The following SCMH1 variants were observed in gnomAD, a reference collection of about 807,000 sequenced individuals.
SCMH1 encodes the protein Scm polycomb group protein homolog 1.
SCMH1 carries 37 observed loss-of-function variants against 70.8 expected under a neutral mutation model. The ratio of observed to expected loss-of-function variants is 0.52; its 90% confidence interval spans 0.40 to 0.69. The LOEUF (loss-of-function observed/expected upper bound fraction) is 0.69. SCMH1 is among the 30% of genes least tolerant of loss of function. SCMH1 has a pLI of 0.00. For synonymous variants in SCMH1, 292 were observed against 307.4 expected, an observed-to-expected ratio of 0.95 and a Z score of 0.52; for missense variants, 607 against 827.3, an observed-to-expected ratio of 0.73 and a Z score of 3.27.
chr1:41,031,443 G>A (rs1233963825), intron 13 of SCMH1, among the ~76,000 whole-genome samples: 2 of 152,134 alleles, frequency 1.3e-5, no homozygotes, highest in Admixed American at 6.6e-5. Flanking sequence ...GGCCTAAAAA[G>A]TCAAAGTACA....
intron 1 of SCMH1, among the ~76,000 whole-genome samples, chr1:41,208,488 C>T (rs994820364): frequency 1.7e-4 from 25 of 151,138 alleles, no homozygotes; most frequent in Admixed American, 4.6e-4. Context: ...GTAAAGCACT[C>T]CTCAGCAAAT....
In SCMH1 at chr1:41,154,732, T is replaced by C. The variant is rs117355970; in HGVS notation, c.107-3048A>G. On this transcript the variant is annotated intron_variant, in intron 4 of 14. Transcript: ENST00000337495. Reference sequence around the variant, plus strand: ...AGATTATTACGAAGATTAATATTATTAACTAACATAGGTATAATGTTTTAT... The same window carrying C: ...AGATTATTACGAAGATTAATATTATCAACTAACATAGGTATAATGTTTTAT... 7.6e-4 allele frequency among the ~76,000 whole-genome samples: 116 copies of C among 152,360 alleles called. 2 individuals carry two copies. In the East Asian group the frequency reaches 0.02, roughly 27 times the overall value.
At chr1:41,127,516 T>C (rs1328618479) in intron 6 of SCMH1, among the ~76,000 whole-genome samples, 1 of 152,228 alleles carries the variant, frequency 6.6e-6, no homozygotes, top group African/African-American at 2.4e-5. Flanking sequence ...CGCTGTGATA[T>C]ATGGATTCAA....
chr1:41,130,355 T>C (rs1358946042), intron 6 of SCMH1, among the ~76,000 whole-genome samples: 1 of 152,150 alleles, frequency 6.6e-6, no homozygotes, highest in African/African-American at 2.4e-5. Context: ...GTCAATAGTG[T>C]CCTTTGATGC....
At position 41,075,430 on chromosome 1, in the gene SCMH1, T is replaced by A. The variant is rs748157901; in HGVS notation, c.767A>T (p.Tyr256Phe). The change falls in exon 9 of 15, where the codon TAT (tyrosine) becomes TTT (phenylalanine). Residue 256 changes from tyrosine (Y) to phenylalanine (F), a missense_variant. Coordinates refer to ENST00000337495, the Ensembl canonical transcript of SCMH1. ...CTCAGTATTCACATCGGAGGCAGGA[T>A]AGGGATTCTTTGGAATCACAACTGC... The A allele has an allele frequency of 5.0e-6, 8 of 1,613,926 alleles. No individual in the cohort carries two copies. In the East Asian group the frequency reaches 1.6e-4, roughly 31 times the overall value.
chr1:41,033,130 A>G (rs1644786307), intron 13 of SCMH1, among the ~76,000 whole-genome samples: 1 of 152,104 alleles, frequency 6.6e-6, no homozygotes. Flanking sequence ...TGTCTCTGCA[A>G]AAAATTAGCT....
In SCMH1 at chr1:41,160,929, T is replaced by G; in HGVS notation, c.83-31A>C. The G allele has an allele frequency of 3.2e-6, 5 of 1,545,718 alleles. No homozygotes were observed. In the Admixed American group the frequency reaches 5.9e-5, roughly 18 times the overall value. On this transcript the variant is annotated intron_variant, in intron 3 of 14. Transcript: ENST00000337495. The stretch of plus-strand genomic sequence containing the variant: ...AAAGAAAAAAATGTTGGAGCATAAG[T>G]CATTAAGACAAACATACCAACATGA...
intron 8 of SCMH1, among the ~76,000 whole-genome samples, chr1:41,110,549 T>A (rs1669027140): frequency 6.6e-6 from 1 of 151,936 alleles, no homozygotes; most frequent in African/African-American, 2.4e-5. Flanking sequence ...TCAATGATTA[T>A]CTTTTGTGAC....
exon 10 of SCMH1, chr1:41,070,712 G>C (rs761398739): frequency 2.5e-6 from 4 of 1,613,998 alleles, no homozygotes; most frequent in East Asian, 2.2e-5. Context: ...AGCAAAGTCC[G>C]AGGTTTCCTC....
intron 6 of SCMH1, among the ~76,000 whole-genome samples, chr1:41,118,356 T>C (rs1280843911): frequency 6.6e-6 from 1 of 152,066 alleles, no homozygotes; most frequent in Non-Finnish European, 1.5e-5. Flanking sequence ...AAAAAAGATG[T>C]GATAGGATTA....
chr1:41,209,380 T>A (rs1238061253), intron 1 of SCMH1, among the ~76,000 whole-genome samples: 1 of 152,158 alleles, frequency 6.6e-6, no homozygotes, highest in Non-Finnish European at 1.5e-5. Context: ...GCCAGCATCA[T>A]CCTGATACCA....
chr1:41,176,388 T>C (rs1647139919), intron 2 of SCMH1, among the ~76,000 whole-genome samples: 1 of 151,606 alleles, frequency 6.6e-6, no homozygotes, highest in African/African-American at 2.4e-5. Context: ...CACAGGGGAG[T>C]GTCGGACAGT....
At chr1:41,183,635 C>T (rs1572902228) in intron 2 of SCMH1, among the ~76,000 whole-genome samples, 1 of 151,768 alleles carries the variant, frequency 6.6e-6, no homozygotes, top group African/African-American at 2.4e-5. Flanking sequence ...GAGTTTGGCA[C>T]ACAGCAAGCA....
At chr1:41,034,867 C>G (rs537806666) in intron 13 of SCMH1, among the ~76,000 whole-genome samples, 4 of 152,296 alleles carry the variant, frequency 2.6e-5, no homozygotes, top group African/African-American at 7.2e-5. Context: ...TGGGTTTCTG[C>G]CCCTTGGTAA....
At chr1:41,091,634 C>A (rs1354471589) in intron 8 of SCMH1, among the ~76,000 whole-genome samples, 1 of 152,180 alleles carries the variant, frequency 6.6e-6, no homozygotes, top group East Asian at 1.9e-4. Context: ...ATTTAGAAAA[C>A]CCCATCATCT....
intron 6 of SCMH1, among the ~76,000 whole-genome samples, chr1:41,129,671 T>C (rs1674133627): frequency 6.6e-6 from 1 of 152,214 alleles, no homozygotes. Context: ...TTCTACCTTT[T>C]GGCTATTGTG....
chr1:41,168,242 CT>C (rs1646544497), intron 2 of SCMH1, among the ~76,000 whole-genome samples: 1 of 152,046 alleles, frequency 6.6e-6, no homozygotes, highest in Admixed American at 6.6e-5. Context: ...TTTATTTCTT[CT>C]TTTTCTGACA....
At chr1:41,154,772 T>C (rs1392070671) in intron 4 of SCMH1, among the ~76,000 whole-genome samples, 2 of 152,220 alleles carry the variant, frequency 1.3e-5, no homozygotes, top group African/African-American at 4.8e-5. Flanking sequence ...TAAACATATA[T>C]AATGTGAGTG....
intron 10 of SCMH1, among the ~76,000 whole-genome samples, chr1:41,053,401 T>C (rs901654155): frequency 4.7e-4 from 72 of 152,134 alleles, no homozygotes; most frequent in Admixed American, 4.7e-3. Flanking sequence ...AACTGACAAC[T>C]TCCACTTCCT....
Sources: allele counts gnomAD v4.1 joint callset (sites outside exome capture counted in the v4.1 genomes callset), GRCh38; gene constraint gnomAD v4.1.1; transcripts MANE v1.5; gene names NCBI Gene and HGNC (gene_info 2026-07-23, HGNC 2026-07-21).